Variants in LRRC4C observed in about 807,000 individuals in gnomAD.
LRRC4C encodes leucine rich repeat containing 4C.
Under a neutral mutation model 33.6 loss-of-function variants are expected in LRRC4C, and 5 were observed. The observed-to-expected ratio is 0.15, with a 90% CI of 0.08 to 0.31. The LOEUF is 0.31. LRRC4C is among the 10% of genes least tolerant of loss of function. LRRC4C has a pLI of 1.00. For missense variants in LRRC4C, 560 were observed against 796.7 expected (o/e 0.70, Z 3.58); for synonymous variants, 329 against 302.0 (o/e 1.09, Z -0.93).
intron 1 of LRRC4C, among the ~76,000 whole-genome samples, chr11:41,445,794 CT>C (rs1037433866): frequency 6.6e-6 from 1 of 151,218 alleles, no homozygotes; most frequent in African/African-American, 2.4e-5. Context: ...AAAAAAAGAA[CT>C]TTTTTTCTTT....
At chr11:41,392,248 G>A (rs573738195) in intron 1 of LRRC4C, among the ~76,000 whole-genome samples, 1 of 151,970 alleles carries the variant, frequency 6.6e-6, no homozygotes, top group South Asian at 2.1e-4. Flanking sequence ...CACGTATGAT[G>A]TAAGCCACGT....
intron 3 of LRRC4C, among the ~76,000 whole-genome samples, chr11:40,323,048 C>G (rs906125115): frequency 1.3e-5 from 2 of 152,134 alleles, no homozygotes; most frequent in Admixed American, 6.5e-5. Context: ...TCACAAATCT[C>G]TATACATATT....
intron 2 of LRRC4C, among the ~76,000 whole-genome samples, chr11:40,766,439 A>G (rs1024147486): frequency 2.0e-5 from 3 of 151,058 alleles, no homozygotes; most frequent in Non-Finnish European, 4.4e-5. Flanking sequence ...AATAGAAAGT[A>G]CATAGACAAA....
intron 3 of LRRC4C, among the ~76,000 whole-genome samples, chr11:40,546,100 T>G (rs944104058): frequency 6.7e-6 from 1 of 148,472 alleles, no homozygotes; most frequent in South Asian, 2.2e-4. Flanking sequence ...CTTCCTTCCT[T>G]CCTTCCTTCC....
At chr11:40,650,912 C>T (rs1024164856) in intron 2 of LRRC4C, among the ~76,000 whole-genome samples, 1 of 152,140 alleles carries the variant, frequency 6.6e-6, no homozygotes, top group African/African-American at 2.4e-5. Flanking sequence ...CCCTCTGCCT[C>T]TCACATTAAA....
intron 1 of LRRC4C, among the ~76,000 whole-genome samples, chr11:41,287,568 T>C (rs1332178206): frequency 6.6e-6 from 1 of 152,166 alleles, no homozygotes; most frequent in African/African-American, 2.4e-5. Flanking sequence ...TTCATGAATA[T>C]ATGAATAGAA....
rs554709219 is a variant in LRRC4C at position 40,838,098 on chromosome 11, G to A, written c.-407+95537C>T. 8.5e-5 allele frequency among the ~76,000 whole-genome samples: 13 copies of A among 152,174 alleles called. No individual in the cohort carries two copies. In the South Asian group the frequency reaches 1.9e-3, roughly 22 times the overall value. On this transcript the variant is annotated intron_variant, in intron 2 of 6. Coordinates refer to ENST00000528697, the MANE Select transcript of LRRC4C (RefSeq NM_001258419.2). Reference sequence around the variant, plus strand: ...CTATATAGCAGTAGATAACTCTACTGGTATTTTTAATGTAACTTTTCTGAG... The same window carrying A: ...CTATATAGCAGTAGATAACTCTACTAGTATTTTTAATGTAACTTTTCTGAG...
At chr11:40,353,678 C>T (rs559895924) in intron 3 of LRRC4C, among the ~76,000 whole-genome samples, 3 of 152,300 alleles carry the variant, frequency 2.0e-5, no homozygotes, top group African/African-American at 7.2e-5. Context: ...CATGCCAATG[C>T]ACACCAGCCT....
At chr11:40,725,815 C>T (rs1947265419) in intron 2 of LRRC4C, among the ~76,000 whole-genome samples, 1 of 152,160 alleles carries the variant, frequency 6.6e-6, no homozygotes, top group African/African-American at 2.4e-5. Flanking sequence ...ATCAGCATCT[C>T]TTTCCTGTGT....
intron 1 of LRRC4C, among the ~76,000 whole-genome samples, chr11:41,144,643 T>G (rs1166134549): frequency 6.6e-6 from 1 of 152,172 alleles, no homozygotes; most frequent in Admixed American, 6.6e-5. Context: ...TCATTCAACC[T>G]GTACATGGCC....
chr11:40,421,412 C>T (rs1326026190), intron 3 of LRRC4C, among the ~76,000 whole-genome samples: 1 of 152,152 alleles, frequency 6.6e-6, no homozygotes, highest in East Asian at 1.9e-4. Context: ...TGTAATAGGG[C>T]CTCCAGCCAG....
intron 1 of LRRC4C, among the ~76,000 whole-genome samples, chr11:41,273,502 A>G (rs1460836803): frequency 1.3e-5 from 2 of 152,210 alleles, no homozygotes; most frequent in Non-Finnish European, 2.9e-5. Context: ...ACAAAAGGAT[A>G]AATACTGTAC....
At chr11:40,163,520 G>A (rs952472731) in intron 5 of LRRC4C, among the ~76,000 whole-genome samples, 1 of 152,080 alleles carries the variant, frequency 6.6e-6, no homozygotes, top group African/African-American at 2.4e-5. Context: ...GATGGAATGT[G>A]AAACTAAAAA....
intron 1 of LRRC4C, among the ~76,000 whole-genome samples, chr11:41,183,073 A>G (rs1463230966): frequency 6.6e-6 from 1 of 152,050 alleles, no homozygotes; most frequent in East Asian, 1.9e-4. Context: ...CCCATGATTT[A>G]ATTACCTCCC....
chr11:40,793,375 C>T (rs1950704157), intron 2 of LRRC4C, among the ~76,000 whole-genome samples: 1 of 152,078 alleles, frequency 6.6e-6, no homozygotes, highest in Admixed American at 6.5e-5. Context: ...AATAAACTTC[C>T]TGGTATAAAA....
chr11:41,124,042 C>T (rs1478008097), intron 1 of LRRC4C, among the ~76,000 whole-genome samples: 1 of 152,126 alleles, frequency 6.6e-6, no homozygotes. Flanking sequence ...CACAGTTTCA[C>T]ATAGAAACAA....
At chr11:41,397,897 C>T (rs1258175854) in intron 1 of LRRC4C, among the ~76,000 whole-genome samples, 1 of 151,642 alleles carries the variant, frequency 6.6e-6, no homozygotes, top group Non-Finnish European at 1.5e-5. Flanking sequence ...GTAGTATTAC[C>T]TTATAGCTAA....
intron 1 of LRRC4C, among the ~76,000 whole-genome samples, chr11:41,200,682 G>A (rs181390354): frequency 3.2e-4 from 49 of 152,178 alleles, no homozygotes; most frequent in African/African-American, 8.2e-4. Context: ...TTTCTCTACC[G>A]TCATCGAGTT....
At chr11:40,476,778 A>AT (rs1056889753) in intron 3 of LRRC4C, among the ~76,000 whole-genome samples, 1 of 152,144 alleles carries the variant, frequency 6.6e-6, no homozygotes, top group Non-Finnish European at 1.5e-5. Context: ...GTATATTTTA[A>AT]TTTTTTTAAT....
Sources: gnomAD v4.1 joint callset for allele counts (sites outside exome capture counted in the v4.1 genomes callset) on GRCh38, gnomAD v4.1.1 for gene constraint, MANE v1.5 for transcripts, NCBI Gene and HGNC (gene_info 2026-07-23, HGNC 2026-07-21) for gene names.